Variants in CGNL1 observed in about 807,000 individuals in gnomAD.
The protein encoded by CGNL1 is cingulin-like protein 1.
CGNL1 carries 132 observed loss-of-function variants against 141.2 expected under a neutral mutation model. The observed-to-expected ratio is 0.93, with a 90% CI of 0.81 to 1.08. The LOEUF (loss-of-function observed/expected upper bound fraction) is 1.08. Among genes scored for constraint, CGNL1 ranks in the 50% least tolerant of loss-of-function variants. The probability of loss-of-function intolerance (pLI) is 0.00; values close to 1 mark genes in which losing one functional copy is unlikely to be tolerated. For synonymous variants in CGNL1, 690 were observed against 622.1 expected (o/e 1.11, Z -1.63); for missense variants, 1,870 against 1,588.6 (o/e 1.18, Z -3.01).
Position 57,531,672 on chromosome 15 carries a change from TTG to T in CGNL1, c.3202-15_3202-14del. ...TCAGTGCAAGTTAAGTCAACTGTGT[TTG>T]TGATTTCCTTCTTAGGACAAGGTGT... On this transcript the variant is annotated splice_polypyrimidine_tract_variant and intron_variant, in intron 13 of 18. Transcript: ENST00000281282. 6.4e-7 allele frequency: 1 copy of T among 1,559,718 alleles called. No individual in the cohort carries two copies. Among genetic ancestry groups the T allele is most frequent in the African/African-American group, 1.4e-5 (1 of 74,058 alleles).
chr15:57,487,696 T>C (rs1451458521), intron 8 of CGNL1, among the ~76,000 whole-genome samples: 1 of 152,252 alleles, frequency 6.6e-6, no homozygotes, highest in Admixed American at 6.5e-5. Flanking sequence ...TGTGCTGTTA[T>C]TGAGAACTTT....
chr15:57,528,750 G>C lies in CGNL1; in HGVS notation c.3136G>C (p.Glu1046Gln), dbSNP rs372428898. Reference protein sequence around the residue: ...QLLEQTLKDLEYELEAKSHLK... With the variant: ...QLLEQTLKDLQYELEAKSHLK... ...TCTGGAGCAGACGCTGAAGGACCTG[G>C]AGTATGAGCTGGAAGCCAAGAGTCA... The change falls in exon 13 of 19, where the codon GAG becomes CAG. Residue 1046 changes from glutamate (E) to glutamine (Q), a missense_variant. Coordinates refer to ENST00000281282, the MANE Select transcript of CGNL1 (RefSeq NM_032866.5). The C allele has an allele frequency of 3.7e-6, 6 of 1,614,074 alleles. No individual in the cohort carries two copies. The highest frequency in any genetic ancestry group is 5.1e-6 in the Non-Finnish European group (6 of 1,180,036).
intron 8 of CGNL1, among the ~76,000 whole-genome samples, chr15:57,472,336 T>G (rs1240690799): frequency 6.6e-6 from 1 of 151,998 alleles, no homozygotes. Context: ...TGGTTGAAAG[T>G]CTGGTATGAG....
intron 1 of CGNL1, chr15:57,406,112 A>G (rs1245541640): frequency 3.3e-5 from 5 of 152,382 alleles, no homozygotes; most frequent in African/African-American, 1.2e-4. Flanking sequence ...GTATGGCCAG[A>G]TGAGGTAGAG....
intron 10 of CGNL1, among the ~76,000 whole-genome samples, chr15:57,521,952 T>C (rs1567167874): frequency 6.6e-6 from 1 of 152,132 alleles, no homozygotes; most frequent in Admixed American, 6.5e-5. Flanking sequence ...TTTTGGGACA[T>C]GTGTTTTGAG....
At chr15:57,452,089 G>A (rs2063328595) in intron 5 of CGNL1, 52 bp from the exon 6 acceptor site, 1 of 1,520,366 alleles carries the variant, frequency 6.6e-7, no homozygotes, top group Non-Finnish European at 8.9e-7. Flanking sequence ...CTTCTGTGGG[G>A]TTACGTTAAT....
chr15:57,440,621 G>C, intron 3 of CGNL1, 150 bp downstream of exon 3: 1 of 652,898 alleles, frequency 1.5e-6, no homozygotes, highest in Non-Finnish European at 2.7e-6. Flanking sequence ...TTTTCGTGAC[G>C]GCATTTGTCT....
At chr15:57,428,338 C>A (rs1323449310) in intron 1 of CGNL1, among the ~76,000 whole-genome samples, 1 of 152,126 alleles carries the variant, frequency 6.6e-6, no homozygotes, top group African/African-American at 2.4e-5. Flanking sequence ...TTGGTGCTGC[C>A]CCTGGCCCAG....
chr15:57,524,243 C>A (rs1321168379), intron 11 of CGNL1, among the ~76,000 whole-genome samples: 1 of 152,206 alleles, frequency 6.6e-6, no homozygotes, highest in Non-Finnish European at 1.5e-5. Flanking sequence ...GACAACAACC[C>A]TGTAAGGTAG....
intron 1 of CGNL1, among the ~76,000 whole-genome samples, chr15:57,416,458 C>T (rs2062850671): frequency 6.6e-6 from 1 of 152,136 alleles, no homozygotes. Flanking sequence ...GCATCCTGCT[C>T]TTCCTTCTAC....
chr15:57,413,075 G>A (rs2062808237), intron 1 of CGNL1, among the ~76,000 whole-genome samples: 1 of 152,072 alleles, frequency 6.6e-6, no homozygotes, highest in Non-Finnish European at 1.5e-5. Context: ...TGGCCAGGCT[G>A]GTCTTGAACT....
chr15:57,548,813 A>T lies in CGNL1; in HGVS notation c.*1323A>T, dbSNP rs1329150040. 1.3e-5 allele frequency: 2 copies of T among 152,082 alleles called. No individual in the cohort carries two copies. Among genetic ancestry groups the T allele is most frequent in the Non-Finnish European group, 2.9e-5 (2 of 68,038 alleles). The allele number at this position is 152,082 out of a possible 1,614,324, so 9.4% of individuals were successfully genotyped here. A position where few individuals can be genotyped will look rare whatever the true frequency, so the allele number is the denominator to read the frequency against. On this transcript the variant is annotated 3_prime_UTR_variant, in exon 19 of 19. Coordinates refer to ENST00000281282, the MANE Select transcript of CGNL1 (RefSeq NM_032866.5). ...AGAATGAGGTGGGAGGTGTCTGGTA[A>T]GGTCATGGGGGAAGGGAGATGAGAG...
In CGNL1 at chr15:57,503,566, C is replaced by T. The variant is rs150192959; in HGVS notation, c.2404-13214C>T. 3.0e-3 allele frequency among the ~76,000 whole-genome samples: 452 copies of T among 152,242 alleles called. 1 individual carries two copies. Among genetic ancestry groups the T allele is most frequent in the African/African-American group, 0.01 (429 of 41,546 alleles). On this transcript the variant is annotated intron_variant, in intron 8 of 18. Coordinates refer to ENST00000281282, the MANE Select transcript of CGNL1 (RefSeq NM_032866.5). ...AGCCTGCGGTGTTCCAGGGCTCGCT[C>T]AGGGCAGGCTGGCTAAAGGCTTGGA...
At chr15:57,422,686 A>C (rs2062929275) in intron 1 of CGNL1, among the ~76,000 whole-genome samples, 1 of 152,190 alleles carries the variant, frequency 6.6e-6, no homozygotes, top group South Asian at 2.1e-4. Flanking sequence ...TATTATTGCA[A>C]ACTAAAAATT....
intron 8 of CGNL1, among the ~76,000 whole-genome samples, chr15:57,470,124 AG>A (rs2063560683): frequency 6.6e-6 from 1 of 152,152 alleles, no homozygotes; most frequent in Non-Finnish European, 1.5e-5. Flanking sequence ...GTTTGCAATC[AG>A]GTGCCCAGGA....
At chr15:57,454,255 G>A (rs879705894) in intron 7 of CGNL1, among the ~76,000 whole-genome samples, 2 of 152,170 alleles carry the variant, frequency 1.3e-5, no homozygotes, top group Non-Finnish European at 2.9e-5. Context: ...CTTTATAAGT[G>A]TGGTTTGTAG....
At chr15:57,492,709 A>AT (rs397810879) in intron 8 of CGNL1, among the ~76,000 whole-genome samples, 2 of 151,076 alleles carry the variant, frequency 1.3e-5, no homozygotes, top group South Asian at 2.1e-4. Flanking sequence ...GAAAAAAAAA[A>AT]CCCAAAACAT....
rs2032944640 is a variant in CGNL1 at position 57,547,731 on chromosome 15, G to GT, written c.*243dup. The GT allele has an allele frequency of 6.3e-6, 3 of 478,828 alleles. No homozygotes were observed. The allele number at this position is 478,828 out of a possible 1,614,324, so 29.7% of individuals were successfully genotyped here. A position where few individuals can be genotyped will look rare whatever the true frequency, so the allele number is the denominator to read the frequency against. On this transcript the variant is annotated 3_prime_UTR_variant, in exon 19 of 19. Coordinates refer to ENST00000281282, the MANE Select transcript of CGNL1 (RefSeq NM_032866.5). ...ACCAGGAGCCACCACCCACTGGGGT[G>GT]TTGTGAGAGATACACTTTGGTAGGC... is the stretch of plus-strand genomic sequence containing the variant.
intron 8 of CGNL1, among the ~76,000 whole-genome samples, chr15:57,499,744 G>A (rs1274982486): frequency 6.6e-6 from 1 of 151,970 alleles, no homozygotes; most frequent in African/African-American, 2.4e-5. Flanking sequence ...TTCTTTTTTG[G>A]GTACTTTCCA....
Sources: gnomAD v4.1 joint callset for allele counts (sites outside exome capture counted in the v4.1 genomes callset) on GRCh38, gnomAD v4.1.1 for gene constraint, MANE v1.5 for transcripts, NCBI Gene and HGNC (gene_info 2026-07-23, HGNC 2026-07-21) for gene names.